Variants in ZFHX3 observed in about 807,000 individuals in gnomAD.
ZFHX3 encodes the protein zinc finger homeobox protein 3.
In ZFHX3, 42 loss-of-function variants were observed where a neutral mutation model predicts 279.1. That is an observed-to-expected ratio of 0.15 (90% CI 0.12 to 0.19). The LOEUF (loss-of-function observed/expected upper bound fraction) is 0.19. Among genes scored for constraint, ZFHX3 ranks in the 10% least tolerant of loss-of-function variants. The probability of loss-of-function intolerance (pLI) is 1.00; values close to 1 mark genes in which losing one functional copy is unlikely to be tolerated. For missense variants in ZFHX3, 4,981 were observed against 4,754.0 expected (o/e 1.05, Z -1.40); for synonymous variants, 2,293 against 1,957.8 (o/e 1.17, Z -4.52).
chr16:73,020,439 A>G (rs917332360), intron 1 of ZFHX3, among the ~76,000 whole-genome samples: 1 of 152,200 alleles, frequency 6.6e-6, no homozygotes, highest in Non-Finnish European at 1.5e-5. Flanking sequence ...CGAAAGAAAA[A>G]CATCCCCCAC....
intron 1 of ZFHX3, among the ~76,000 whole-genome samples, chr16:72,965,164 C>T (rs1432139765): frequency 6.6e-6 from 1 of 152,218 alleles, no homozygotes; most frequent in Non-Finnish European, 1.5e-5. Context: ...CAGGCGTGAG[C>T]CACCGCACCT....
chr16:73,577,943 C>T (rs761598111), intron 2 of ZFHX3, among the ~76,000 whole-genome samples: 3 of 152,192 alleles, frequency 2.0e-5, no homozygotes, highest in Non-Finnish European at 4.4e-5. Context: ...CACTGATTCT[C>T]AGCAACATGC....
At chr16:73,500,689 T>TAA (rs1248862497) in intron 2 of ZFHX3, among the ~76,000 whole-genome samples, 5 of 51,772 alleles carry the variant, frequency 9.7e-5, no homozygotes, top group African/African-American at 3.3e-4. Flanking sequence ...AGTTTTAAAA[T>TAA]ACAAAAAAAA....
chr16:73,433,673 T>C (rs2017947301), intron 3 of ZFHX3, among the ~76,000 whole-genome samples: 1 of 152,158 alleles, frequency 6.6e-6, no homozygotes, highest in South Asian at 2.1e-4. Flanking sequence ...CCACTTTCTT[T>C]GCCTCTGTGT....
At chr16:73,437,735 C>T (rs574643886) in intron 3 of ZFHX3, among the ~76,000 whole-genome samples, 2 of 152,178 alleles carry the variant, frequency 1.3e-5, no homozygotes, top group East Asian at 3.9e-4. Flanking sequence ...TCTATGTTTA[C>T]TAGTATGTGG....
intron 4 of ZFHX3, among the ~76,000 whole-genome samples, chr16:72,888,460 C>T (rs1409299507): frequency 1.3e-5 from 2 of 152,124 alleles, no homozygotes; most frequent in Non-Finnish European, 2.9e-5. Context: ...CAGTGGTGTC[C>T]AGGAAGCTGT....
intron 2 of ZFHX3, among the ~76,000 whole-genome samples, chr16:73,655,556 C>G (rs1216116978): frequency 6.6e-6 from 1 of 152,002 alleles, no homozygotes; most frequent in Non-Finnish European, 1.5e-5. Context: ...AAAAATAAAT[C>G]TAACAAAAAA....
At chr16:72,826,932 C>T (rs2036947590) in intron 5 of ZFHX3, among the ~76,000 whole-genome samples, 2 of 152,118 alleles carry the variant, frequency 1.3e-5, no homozygotes, top group Non-Finnish European at 2.9e-5. Flanking sequence ...AGACACACTC[C>T]CAATGAATCA....
chr16:73,578,375 T>C (rs951414821), intron 2 of ZFHX3, among the ~76,000 whole-genome samples: 2 of 127,296 alleles, frequency 1.6e-5, no homozygotes, highest in Non-Finnish European at 3.4e-5. Flanking sequence ...GTTTCGTAGA[T>C]GTTAAATGAA....
chr16:72,916,405 G>C (rs2039444170), intron 3 of ZFHX3, among the ~76,000 whole-genome samples: 1 of 152,200 alleles, frequency 6.6e-6, no homozygotes, highest in South Asian at 2.1e-4. Flanking sequence ...AGTCAACATG[G>C]AGGAAAATGC....
At chr16:73,877,201 T>TA (rs112129642) in intron 1 of ZFHX3, among the ~76,000 whole-genome samples, 11 of 105,650 alleles carry the variant, frequency 1.0e-4, no homozygotes, top group South Asian at 3.4e-4. Flanking sequence ...GGGGGTTAGG[T>TA]CGGGGGGGGG....
intron 5 of ZFHX3, among the ~76,000 whole-genome samples, chr16:73,152,346 T>C (rs1460428004): frequency 2.0e-5 from 3 of 152,196 alleles, no homozygotes; most frequent in Non-Finnish European, 2.9e-5. Flanking sequence ...GAAGATTATT[T>C]TTAACCCAAA....
chr16:73,330,910 T>C (rs1162128955), intron 3 of ZFHX3, among the ~76,000 whole-genome samples: 1 of 152,238 alleles, frequency 6.6e-6, no homozygotes, highest in Non-Finnish European at 1.5e-5. Flanking sequence ...GGCCTTGTTC[T>C]GATGATCCTT....
chr16:73,720,298 G>C (rs1188119904), intron 1 of ZFHX3, among the ~76,000 whole-genome samples: 1 of 152,000 alleles, frequency 6.6e-6, no homozygotes, highest in Non-Finnish European at 1.5e-5. Flanking sequence ...TACACTCTTT[G>C]GCAATATACT....
At chr16:73,302,242 C>G (rs150647910) in intron 4 of ZFHX3, among the ~76,000 whole-genome samples, 28 of 152,088 alleles carry the variant, frequency 1.8e-4, no homozygotes, top group African/African-American at 4.3e-4. Context: ...TTCCCTTCCT[C>G]CCTTCTCTTT....
rs373699406 is a variant in ZFHX3 at position 73,492,713 on chromosome 16, T to C, written c.-1546-36455A>G. On this transcript the variant is annotated intron_variant, in intron 2 of 17. Coordinates refer to the ZFHX3 transcript ENST00000641206. ...TGGCACGCATGGTTGCTCCATATGTTTCACCGTTATTTATCTTTGTCATTA... is the reference window on the plus strand; with the variant it reads ...TGGCACGCATGGTTGCTCCATATGTCTCACCGTTATTTATCTTTGTCATTA... Among the ~76,000 whole-genome samples the C allele has an allele frequency of 6.8e-4, 103 of 152,346 alleles. 1 individual carries two copies. In the South Asian group the frequency reaches 0.02, roughly 29 times the overall value.
intron 1 of ZFHX3, among the ~76,000 whole-genome samples, chr16:73,860,415 T>C (rs1450299713): frequency 6.6e-6 from 1 of 151,786 alleles, no homozygotes; most frequent in East Asian, 1.9e-4. Flanking sequence ...GCAATTTTTC[T>C]AGTCCCACCA....
chr16:73,217,545 G>T (rs1335232337), intron 5 of ZFHX3, among the ~76,000 whole-genome samples: 1 of 152,182 alleles, frequency 6.6e-6, no homozygotes, highest in African/African-American at 2.4e-5. Flanking sequence ...GGGAACTTGA[G>T]AAGACATAGA....
chr16:73,866,727 A>T (rs1174616279), intron 1 of ZFHX3, among the ~76,000 whole-genome samples: 3 of 152,208 alleles, frequency 2.0e-5, no homozygotes, highest in Non-Finnish European at 2.9e-5. Flanking sequence ...ATTTGATTCA[A>T]CAGCACAGGT....
Sources: gnomAD v4.1 joint callset for allele counts (sites outside exome capture counted in the v4.1 genomes callset) on GRCh38, gnomAD v4.1.1 for gene constraint, MANE v1.5 for transcripts, NCBI Gene and HGNC (gene_info 2026-07-23, HGNC 2026-07-21) for gene names.